FSIP1: variants seen among roughly 807,000 people sequenced by gnomAD.
FSIP1 encodes the protein fibrous sheath interacting protein 1.
In FSIP1, 65 loss-of-function variants were observed where a neutral mutation model predicts 60.9. That is an observed-to-expected ratio of 1.07 (90% CI 0.87 to 1.31). The LOEUF (loss-of-function observed/expected upper bound fraction) is 1.31. FSIP1 is among the 40% of genes most tolerant of loss of function. The pLI is 0.00. For synonymous variants in FSIP1, 209 were observed against 221.2 expected, an observed-to-expected ratio of 0.94 and a Z score of 0.49; for missense variants, 675 against 665.5, an observed-to-expected ratio of 1.01 and a Z score of -0.16.
intron 2 of FSIP1, among the ~76,000 whole-genome samples, chr15:39,775,217 A>G (rs756302808): frequency 4.6e-5 from 7 of 152,052 alleles, no homozygotes; most frequent in Non-Finnish European, 5.9e-5. Flanking sequence ...GGGTCTCACA[A>G]TGTTGCCCAG....
intron 8 of FSIP1, 123 bp from the exon 9 acceptor site, chr15:39,726,870 C>T: frequency 1.6e-6 from 1 of 631,486 alleles, no homozygotes; most frequent in Admixed American, 3.0e-5. Flanking sequence ...CACACACACA[C>T]ACAACACACA....
intron 10 of FSIP1, among the ~76,000 whole-genome samples, chr15:39,631,929 T>C (rs1438484823): frequency 6.6e-6 from 1 of 152,180 alleles, no homozygotes; most frequent in African/African-American, 2.4e-5. Context: ...CATGTGAACA[T>C]TTTCTAATCA....
At chr15:39,604,443 CT>C (rs1180052710) in intron 11 of FSIP1, among the ~76,000 whole-genome samples, 1 of 152,150 alleles carries the variant, frequency 6.6e-6, no homozygotes, top group African/African-American at 2.4e-5. Context: ...TCATTTTATA[CT>C]GCTAAAATGA....
chr15:39,765,844 A>G, intron 3 of FSIP1, 98 bp from the exon 4 acceptor site: 1 of 642,178 alleles, frequency 1.6e-6, no homozygotes. Flanking sequence ...ACAAATATTT[A>G]TAGCTGATAG....
chr15:39,765,280 G>A (rs1013658051), intron 4 of FSIP1, among the ~76,000 whole-genome samples: 9 of 133,986 alleles, frequency 6.7e-5, no homozygotes, highest in African/African-American at 2.6e-4. Flanking sequence ...TGCTCTGTCA[G>A]CCAGGCTGGA....
At chr15:39,770,243 C>A (rs1475068600) in intron 3 of FSIP1, among the ~76,000 whole-genome samples, 184 bp downstream of exon 3, 1 of 152,030 alleles carries the variant, frequency 6.6e-6, no homozygotes, top group African/African-American at 2.4e-5. Flanking sequence ...TATTTAAGGG[C>A]TCTTAATATT....
intron 10 of FSIP1, among the ~76,000 whole-genome samples, chr15:39,700,964 C>A (rs1298359006): frequency 1.3e-5 from 2 of 152,060 alleles, no homozygotes; most frequent in African/African-American, 4.8e-5. Context: ...CCAACCTGGG[C>A]AACATAGTGA....
chr15:39,780,457 G>A (rs1320194001), intron 1 of FSIP1, among the ~76,000 whole-genome samples: 3 of 152,160 alleles, frequency 2.0e-5, no homozygotes, highest in East Asian at 1.9e-4. Context: ...CCCGGGAGGC[G>A]GAGCTTGCAG....
At chr15:39,738,484 T>C (rs979727207) in intron 7 of FSIP1, among the ~76,000 whole-genome samples, 3 of 152,166 alleles carry the variant, frequency 2.0e-5, no homozygotes, top group Admixed American at 6.6e-5. Flanking sequence ...CTCTCTACTA[T>C]AGATAAAAAA....
chr15:39,634,896 G>C (rs1019508616), intron 10 of FSIP1, among the ~76,000 whole-genome samples: 4 of 152,070 alleles, frequency 2.6e-5, no homozygotes, highest in African/African-American at 9.7e-5. Flanking sequence ...GGACTAACAT[G>C]GTGCCCTGTG....
At chr15:39,639,226 G>A (rs990144615) in intron 10 of FSIP1, among the ~76,000 whole-genome samples, 9 of 152,254 alleles carry the variant, frequency 5.9e-5, no homozygotes, top group Admixed American at 2.6e-4. Flanking sequence ...AAAGCTAGAA[G>A]GCCTGTGGGG....
chr15:39,738,686 C>T (rs1475592757), intron 7 of FSIP1, among the ~76,000 whole-genome samples: 1 of 150,120 alleles, frequency 6.7e-6, no homozygotes, highest in East Asian at 1.9e-4. Flanking sequence ...TTAGCAAGAA[C>T]CTGGATAAGG....
intron 1 of FSIP1, among the ~76,000 whole-genome samples, chr15:39,778,108 G>A (rs970855613): frequency 9.9e-5 from 15 of 152,120 alleles, no homozygotes; most frequent in Admixed American, 9.8e-4. Flanking sequence ...AAAGAGTTTG[G>A]GCTCACTCAG....
At chr15:39,781,138 A>G (rs1595414093) in intron 1 of FSIP1, among the ~76,000 whole-genome samples, 2 of 152,354 alleles carry the variant, frequency 1.3e-5, no homozygotes. Flanking sequence ...TCAAGACTCA[A>G]TAACAAGAAA....
At chr15:39,718,265 T>C (rs1344356202) in intron 9 of FSIP1, among the ~76,000 whole-genome samples, 5 of 145,200 alleles carry the variant, frequency 3.4e-5, no homozygotes, top group African/African-American at 1.4e-4. Flanking sequence ...CACACACACA[T>C]ATATATACAC....
chr15:39,699,755 G>A (rs1894981909), intron 10 of FSIP1, among the ~76,000 whole-genome samples: 1 of 152,170 alleles, frequency 6.6e-6, no homozygotes, highest in Admixed American at 6.6e-5. Flanking sequence ...TCACCCATCT[G>A]ATCCAATACC....
At chr15:39,640,146 G>A (rs935663195) in intron 10 of FSIP1, among the ~76,000 whole-genome samples, 3 of 152,156 alleles carry the variant, frequency 2.0e-5, no homozygotes, top group African/African-American at 7.2e-5. Flanking sequence ...CCCAAATAAT[G>A]TCAATTAACA....
chr15:39,766,682 C>A (rs1296153340), intron 3 of FSIP1, among the ~76,000 whole-genome samples: 1 of 152,212 alleles, frequency 6.6e-6, no homozygotes, highest in East Asian at 1.9e-4. Flanking sequence ...AGCTGATAAT[C>A]CAGCAATGAA....
At chr15:39,604,551 C>T (rs1303666126) in intron 11 of FSIP1, among the ~76,000 whole-genome samples, 1 of 152,048 alleles carries the variant, frequency 6.6e-6, no homozygotes, top group Non-Finnish European at 1.5e-5. Flanking sequence ...TGTAAATTAA[C>T]CAAATATAAA....
Sources: gnomAD v4.1 joint callset for allele counts (sites outside exome capture counted in the v4.1 genomes callset) on GRCh38, gnomAD v4.1.1 for gene constraint, MANE v1.5 for transcripts, NCBI Gene and HGNC (gene_info 2026-07-23, HGNC 2026-07-21) for gene names.